Variants in LRRC49 observed in about 807,000 individuals in gnomAD.
The protein encoded by LRRC49 is leucine rich repeat containing 49.
LRRC49 carries 50 observed loss-of-function variants against 83.3 expected under a neutral mutation model. The observed-to-expected ratio is 0.60, with a 90% CI of 0.48 to 0.76. The LOEUF (loss-of-function observed/expected upper bound fraction) is 0.76. LRRC49 is among the 30% of genes least tolerant of loss of function. LRRC49 has a pLI of 0.00. For synonymous variants in LRRC49, 286 were observed against 283.3 expected, an observed-to-expected ratio of 1.01 and a Z score of -0.10; for missense variants, 704 against 809.1, an observed-to-expected ratio of 0.87 and a Z score of 1.58.
At chr15:70,949,711 C>T (rs1261839096) in intron 8 of LRRC49, among the ~76,000 whole-genome samples, 2 of 152,204 alleles carry the variant, frequency 1.3e-5, no homozygotes, top group African/African-American at 4.8e-5. Flanking sequence ...ACCTACACAT[C>T]ACTTCATTTG....
chr15:70,898,448 C>T (rs1009746425), intron 3 of LRRC49: 13 of 701,498 alleles, frequency 1.9e-5, no homozygotes, highest in Non-Finnish European at 3.1e-5. Context: ...ACAAGGGCTA[C>T]ATATCTGGTA....
At chr15:71,042,000 A>C (rs751340857) in intron 15 of LRRC49, among the ~76,000 whole-genome samples, 14 of 152,222 alleles carry the variant, frequency 9.2e-5, no homozygotes, top group African/African-American at 3.1e-4. Flanking sequence ...CTCCAGACCA[A>C]ATAAAAACCC....
chr15:71,014,277 T>C (rs2038753484), intron 14 of LRRC49, among the ~76,000 whole-genome samples: 1 of 152,162 alleles, frequency 6.6e-6, no homozygotes, highest in African/African-American at 2.4e-5. Context: ...CCTAAGAGAA[T>C]GTAAGTTAAA....
intron 8 of LRRC49, among the ~76,000 whole-genome samples, chr15:70,961,823 G>A (rs2036610395): frequency 1.3e-5 from 2 of 152,236 alleles, no homozygotes; most frequent in South Asian, 4.1e-4. Flanking sequence ...TACTTTAATG[G>A]TGGATACATG....
At chr15:71,042,060 A>T (rs935508986) in intron 15 of LRRC49, among the ~76,000 whole-genome samples, 2 of 152,192 alleles carry the variant, frequency 1.3e-5, no homozygotes, top group African/African-American at 4.8e-5. Context: ...AGAAGAGAAA[A>T]TCTTTATGAT....
At chr15:70,982,594 G>GA (rs1253158032) in intron 10 of LRRC49, among the ~76,000 whole-genome samples, 5 of 151,944 alleles carry the variant, frequency 3.3e-5, no homozygotes, top group African/African-American at 4.8e-5. Context: ...CCAAACAACA[G>GA]AAAAAAAGAA....
rs573093956 is a variant in LRRC49 at position 71,045,910 on chromosome 15, G to A, written c.1858-3499G>A. Among the ~76,000 whole-genome samples, 14 of 152,176 alleles carry A rather than the reference G, an allele frequency of 9.2e-5. No homozygotes were observed. In the South Asian group the frequency reaches 2.3e-3, roughly 25 times the overall value. On this transcript the variant is annotated intron_variant, in intron 15 of 15. Transcript: ENST00000260382. ...TTCCCATCTTCCATGTGTGCACAGT[G>A]CTTAGCTCCCACTTATAAGTGAGAA...
intron 8 of LRRC49, among the ~76,000 whole-genome samples, chr15:70,942,033 A>ATGTGTGTGTGTGTGTG (rs34818331): frequency 6.9e-6 from 1 of 144,088 alleles, no homozygotes; most frequent in African/African-American, 2.6e-5. Context: ...TGTAAAGGTT[A>ATGTGTGTGTGTGTGTG]TGTGTGTGTG....
intron 1 of LRRC49, among the ~76,000 whole-genome samples, chr15:70,865,741 G>T (rs2032895459): frequency 6.6e-6 from 1 of 152,152 alleles, no homozygotes; most frequent in South Asian, 2.1e-4. Flanking sequence ...TACCTGTCTG[G>T]TTTTTTGAGG....
intron 8 of LRRC49, among the ~76,000 whole-genome samples, chr15:70,956,277 T>C (rs888654768): frequency 6.6e-6 from 1 of 152,186 alleles, no homozygotes; most frequent in Non-Finnish European, 1.5e-5. Context: ...TTTCGGGATA[T>C]GAATTTTGGT....
chr15:70,977,341 A>T (rs1398123833), intron 9 of LRRC49, among the ~76,000 whole-genome samples: 6 of 152,188 alleles, frequency 3.9e-5, no homozygotes, highest in African/African-American at 1.4e-4. Flanking sequence ...AGTTTTTAAA[A>T]GTTAAGAATA....
intron 12 of LRRC49, among the ~76,000 whole-genome samples, chr15:71,008,986 C>T (rs1162574900): frequency 2.0e-5 from 3 of 151,724 alleles, no homozygotes; most frequent in Admixed American, 2.0e-4. Flanking sequence ...TTACAGTTGT[C>T]CCCTAACAAT....
Position 70,911,574 on chromosome 15 carries a change from T to G in LRRC49, c.543T>G (p.Asp181Glu). ...ATCTGGAGAATCTAAAAAGCTTAGA[T>G]GTCTTGGATCTTCATGGAAATCAGG... Reference protein sequence around the residue: ...ISNLENLKSLDVLDLHGNQIT... With the variant: ...ISNLENLKSLEVLDLHGNQIT... The change falls in exon 6 of 16, where the codon GAT becomes GAG. Residue 181 changes from aspartate to glutamate, a missense_variant. Physicochemically the swap from Asp to Glu is conservative, Grantham distance 45. Coordinates refer to ENST00000260382, the MANE Select transcript of LRRC49 (RefSeq NM_017691.5). 6.3e-7 allele frequency: 1 copy of G among 1,578,672 alleles called. No homozygotes were observed. Among genetic ancestry groups the G allele is most frequent in the Non-Finnish European group, 8.6e-7 (1 of 1,163,316 alleles).
intron 1 of LRRC49, among the ~76,000 whole-genome samples, chr15:70,868,763 G>A (rs964507164): frequency 2.6e-5 from 4 of 152,238 alleles, no homozygotes; most frequent in African/African-American, 4.8e-5. Context: ...ACTATATACA[G>A]TGACAAGCTT....
intron 15 of LRRC49, among the ~76,000 whole-genome samples, chr15:71,041,515 C>G (rs551465422): frequency 2.8e-4 from 42 of 152,048 alleles, no homozygotes; most frequent in Non-Finnish European, 4.7e-4. Context: ...ACCTAACTCA[C>G]AGTAGCAACA....
chr15:70,942,326 T>G (rs1434245975), intron 8 of LRRC49, among the ~76,000 whole-genome samples: 1 of 152,120 alleles, frequency 6.6e-6, no homozygotes, highest in Non-Finnish European at 1.5e-5. Context: ...GCCTTAAAAT[T>G]AATTACTCAT....
At chr15:71,035,505 C>T (rs1596168270) in intron 14 of LRRC49, among the ~76,000 whole-genome samples, 1 of 152,110 alleles carries the variant, frequency 6.6e-6, no homozygotes, top group African/African-American at 2.4e-5. Flanking sequence ...TAGCCCTCCA[C>T]CCCCTGACAG....
At chr15:71,004,096 C>T (rs567229019) in intron 11 of LRRC49, among the ~76,000 whole-genome samples, 33 of 152,154 alleles carry the variant, frequency 2.2e-4, no homozygotes, top group Non-Finnish European at 4.0e-4. Flanking sequence ...TGAATATAAT[C>T]TCATCACTTT....
intron 14 of LRRC49, among the ~76,000 whole-genome samples, chr15:71,025,012 G>A (rs2039116211): frequency 6.6e-6 from 1 of 152,142 alleles, no homozygotes; most frequent in Admixed American, 6.5e-5. Context: ...AGAATGAAAA[G>A]GAATGAACAA....
Sources: gnomAD v4.1 joint callset for allele counts (sites outside exome capture counted in the v4.1 genomes callset) on GRCh38, gnomAD v4.1.1 for gene constraint, MANE v1.5 for transcripts, NCBI Gene and HGNC (gene_info 2026-07-23, HGNC 2026-07-21) for gene names.